The following RIMKLB variants were observed in gnomAD, a reference collection of about 807,000 sequenced individuals.
The protein encoded by RIMKLB is beta-citrylglutamate synthase B.
RIMKLB carries 7 observed loss-of-function variants against 32.0 expected under a neutral mutation model. The ratio of observed to expected loss-of-function variants is 0.22; its 90% confidence interval spans 0.12 to 0.41. RIMKLB has a LOEUF of 0.41. RIMKLB is among the 10% of genes least tolerant of loss of function. The probability of loss-of-function intolerance (pLI) is 1.00; values close to 1 mark genes in which losing one functional copy is unlikely to be tolerated. For missense variants in RIMKLB, 289 were observed against 498.7 expected, an observed-to-expected ratio of 0.58 and a Z score of 4.00; for synonymous variants, 172 against 185.1, an observed-to-expected ratio of 0.93 and a Z score of 0.57.
intron 1 of RIMKLB, among the ~76,000 whole-genome samples, chr12:8,711,237 GA>G (rs201127415): frequency 4.4e-3 from 626 of 143,132 alleles, no homozygotes; most frequent in African/African-American, 0.011. Context: ...CCATCTCAAG[GA>G]AAAAAAAAAA....
At chr12:8,693,767 G>A (rs1017333165), upstream of RIMKLB, among the ~76,000 whole-genome samples, 4 of 152,252 alleles carry the variant, frequency 2.6e-5, no homozygotes, top group African/African-American at 9.6e-5. Context: ...GATAACATGT[G>A]TATTTCAGCA....
chr12:8,727,920 G>T (rs1317468624), intron 2 of RIMKLB, among the ~76,000 whole-genome samples: 1 of 150,200 alleles, frequency 6.7e-6, no homozygotes, highest in African/African-American at 2.5e-5. Flanking sequence ...AAAAAATCTA[G>T]TATTTTTGAA....
Position 8,698,578 on chromosome 12 carries a change from C to G in RIMKLB, c.-57+281C>G, listed in dbSNP as rs980021540. 1.8e-3 allele frequency among the ~76,000 whole-genome samples: 279 copies of G among 152,194 alleles called. 1 individual carries two copies. Among genetic ancestry groups the G allele is most frequent in the African/African-American group, 6.4e-3 (266 of 41,546 alleles). ...GACCGGGCGAGCCGTGTCGAGGGGG[C>G]GGCGACTTCGGGCGTGTAAGGAGTA... On this transcript the variant is annotated intron_variant, in intron 1 of 5. Transcript: ENST00000535829.
intron 5 of RIMKLB, among the ~76,000 whole-genome samples, chr12:8,757,062 C>T (rs1591928571): frequency 6.6e-6 from 1 of 152,114 alleles, no homozygotes; most frequent in Non-Finnish European, 1.5e-5. Context: ...CATTATAACA[C>T]GTCCTGCTGA....
At chr12:8,683,178 TG>T (rs577476125) in intron 1 of RIMKLB, among the ~76,000 whole-genome samples, 8 of 152,220 alleles carry the variant, frequency 5.3e-5, no homozygotes, top group Non-Finnish European at 1.2e-4. Flanking sequence ...ACGTCTTGAT[TG>T]CCCACAAGTT....
intron 1 of RIMKLB, among the ~76,000 whole-genome samples, chr12:8,712,967 T>A (rs1944505308): frequency 6.6e-6 from 1 of 152,222 alleles, no homozygotes; most frequent in Non-Finnish European, 1.5e-5. Context: ...AACTTGTAAC[T>A]TTTTTGCTTC....
chr12:8,711,237 GAA>G (rs201127415), intron 1 of RIMKLB, among the ~76,000 whole-genome samples: 7 of 143,378 alleles, frequency 4.9e-5, no homozygotes, highest in African/African-American at 1.8e-4. Flanking sequence ...CCATCTCAAG[GAA>G]AAAAAAAAAA....
At position 8,773,462 on chromosome 12, in the gene RIMKLB, C is replaced by G; in HGVS notation, c.839C>G (p.Ala280Gly). The G allele has an allele frequency of 6.2e-7, 1 of 1,614,214 alleles. No individual in the cohort carries two copies. The highest frequency in any genetic ancestry group is 8.5e-7 in the Non-Finnish European group (1 of 1,180,040). The change falls in exon 6 of 6, where the codon GCA becomes GGA. Residue 280 changes from alanine (A) to glycine (G), a missense_variant. Ala to Gly is a moderately conservative substitution (Grantham distance 60). Around this residue, in one of 3 missense-constraint regions of RIMKLB, gnomAD observed 156 missense variants for 329.5 expected, o/e 0.47. Coordinates refer to ENST00000535829, the MANE Select transcript of RIMKLB (RefSeq NM_001297776.2). Reference sequence around the variant, plus strand: ...TCCTTCTGCGTCTGTGAGGCCAATGCAAATGTAGGTTTCATCGCCTTTGAT... The same window carrying G: ...TCCTTCTGCGTCTGTGAGGCCAATGGAAATGTAGGTTTCATCGCCTTTGAT... ...DGSFCVCEANANVGFIAFDKA... is the reference protein window; with the variant it reads ...DGSFCVCEANGNVGFIAFDKA...
At chr12:8,700,416 C>T (rs1311566555) in intron 1 of RIMKLB, 3 of 152,226 alleles carry the variant, frequency 2.0e-5, no homozygotes. Flanking sequence ...ACTGACCAAC[C>T]ATGAACACTA....
rs549682737 is a variant in RIMKLB at position 8,730,927 on chromosome 12, A to G, written c.175+16886A>G. Among the ~76,000 whole-genome samples the G allele has an allele frequency of 4.3e-3, 651 of 151,838 alleles. 2 individuals are homozygous for G. The highest frequency in any genetic ancestry group is 0.014 in the Middle Eastern group (4 of 292). ...GCTAATTTTTATATTTTTAGTAGAG[A>G]TGGGGTTATGCCATGTTGGCCAGGC... is the stretch of plus-strand genomic sequence containing the variant. On this transcript the variant is annotated intron_variant, in intron 2 of 5. Coordinates refer to ENST00000535829, the MANE Select transcript of RIMKLB (RefSeq NM_001297776.2).
At chr12:8,749,010 A>G (rs1265231742) in intron 2 of RIMKLB, among the ~76,000 whole-genome samples, 1 of 152,178 alleles carries the variant, frequency 6.6e-6, no homozygotes, top group Non-Finnish European at 1.5e-5. Flanking sequence ...ATGGTATTGG[A>G]TAAATGTTCA....
At chr12:8,701,672 C>A (rs1451355215) in intron 1 of RIMKLB, among the ~76,000 whole-genome samples, 2 of 145,898 alleles carry the variant, frequency 1.4e-5, no homozygotes, top group African/African-American at 5.1e-5. Flanking sequence ...TTTAAGAGAA[C>A]CCGAAAACAT....
intron 1 of RIMKLB, among the ~76,000 whole-genome samples, chr12:8,684,025 G>C (rs996814246): frequency 6.6e-6 from 1 of 152,134 alleles, no homozygotes; most frequent in Non-Finnish European, 1.5e-5. Context: ...TGGGATTATA[G>C]GCTTGAGCCA....
At chr12:8,712,234 G>A (rs1421020394) in intron 1 of RIMKLB, among the ~76,000 whole-genome samples, 2 of 151,918 alleles carry the variant, frequency 1.3e-5, no homozygotes, top group Non-Finnish European at 1.5e-5. Context: ...GTGCAATAGC[G>A]TGATCTCGGC....
intron 5 of RIMKLB, among the ~76,000 whole-genome samples, chr12:8,767,390 T>A (rs1013876014): frequency 2.0e-5 from 3 of 152,172 alleles, no homozygotes; most frequent in African/African-American, 7.2e-5. Context: ...CTTCGTAGCC[T>A]AGGGGCCTAA....
intron 5 of RIMKLB, among the ~76,000 whole-genome samples, chr12:8,762,051 C>G (rs1211632399): frequency 2.0e-5 from 3 of 152,016 alleles, no homozygotes; most frequent in Admixed American, 1.3e-4. Context: ...AATGTATGAC[C>G]TGAAGTGCAG....
At chr12:8,770,149 G>GA (rs1333497875) in intron 5 of RIMKLB, among the ~76,000 whole-genome samples, 1 of 152,120 alleles carries the variant, frequency 6.6e-6, no homozygotes, top group Non-Finnish European at 1.5e-5. Flanking sequence ...TTTTAGTAGA[G>GA]ACGGGGTTTC....
chr12:8,715,386 C>T (rs558937192), intron 2 of RIMKLB, among the ~76,000 whole-genome samples: 16 of 151,890 alleles, frequency 1.1e-4, no homozygotes, highest in South Asian at 4.2e-4. Flanking sequence ...CCACCACGCC[C>T]GACTAATTTT....
At chr12:8,694,328 T>C (rs1942821034), upstream of RIMKLB, among the ~76,000 whole-genome samples, 1 of 151,142 alleles carries the variant, frequency 6.6e-6, no homozygotes, top group Non-Finnish European at 1.5e-5. Context: ...TCCTGTTGTC[T>C]CAGCCTCCCA....
Sources: gnomAD v4.1 joint callset for allele counts (sites outside exome capture counted in the v4.1 genomes callset) on GRCh38, gnomAD v4.1.1 for gene constraint, gnomAD v4.1.1 regional missense constraint, MANE v1.5 for transcripts, NCBI Gene and HGNC (gene_info 2026-07-23, HGNC 2026-07-21) for gene names.